The following ATP1A2 variants were observed in gnomAD, a reference collection of about 807,000 sequenced individuals.
ATP1A2 encodes the protein ATPase Na+/K+ transporting subunit alpha 2.
ATP1A2 carries 56 observed loss-of-function variants against 113.1 expected under a neutral mutation model. That is an observed-to-expected ratio of 0.49 (90% CI 0.40 to 0.62). The LOEUF (loss-of-function observed/expected upper bound fraction) is 0.62. ATP1A2 is among the 20% of genes least tolerant of loss of function. ATP1A2 has a pLI of 0.00. For synonymous variants in ATP1A2, 490 were observed against 526.8 expected, an observed-to-expected ratio of 0.93 and a Z score of 0.96; for missense variants, 712 against 1,357.8, an observed-to-expected ratio of 0.52 and a Z score of 7.47.
chr1:160,141,281 A>ATCT lies in ATP1A2; in HGVS notation c.3035-12_3035-10dup. On this transcript the variant is annotated splice_polypyrimidine_tract_variant and intron_variant, in intron 22 of 22. Transcript: ENST00000361216. Reference sequence around the variant, plus strand: ...GCTCATGCTGCAATCTCCACTCCCAATCTCTCTAACAGGCTGGGTGGAGAA... The same window carrying ATCT: ...GCTCATGCTGCAATCTCCACTCCCAATCTTCTCTCTAACAGGCTGGGTGGAGAA... 1 of 1,613,816 alleles carries ATCT rather than the reference A, an allele frequency of 6.2e-7. No homozygotes were observed. The highest frequency in any genetic ancestry group is 1.1e-5 in the South Asian group (1 of 91,064).
At position 160,120,887 on chromosome 1, in the gene ATP1A2, C is replaced by T. The variant is rs746125072; in HGVS notation, c.13-19C>T. On this transcript the variant is annotated intron_variant, in intron 1 of 22. Coordinates refer to ENST00000361216, the MANE Select transcript of ATP1A2 (RefSeq NM_000702.4). ...GCCCCTCTCTTCCCTGACTCTCTGG[C>T]TCTCCCTTCCTCCCTCAGGCTGGCC... The T allele has an allele frequency of 5.4e-6, 8 of 1,484,882 alleles. No individual in the cohort carries two copies. In the East Asian group the frequency reaches 1.8e-4, roughly 34 times the overall value. 92.0% of individuals were successfully genotyped at this position (1,484,882 alleles called of 1,614,324 possible).
rs1161305660 is a variant in ATP1A2, at chr1:160,141,751, C to T, written c.*429C>T. ...TCACTCCATTTCCCACTTCCACCCC[C>T]GTTAGCTTCCTGCAGGACTCTATCC... On this transcript the variant is annotated 3_prime_UTR_variant, in exon 23 of 23. Coordinates refer to ENST00000361216, the MANE Select transcript of ATP1A2 (RefSeq NM_000702.4). 2 of 254,334 alleles carry T rather than the reference C, an allele frequency of 7.9e-6. No individual in the cohort carries two copies. The highest frequency in any genetic ancestry group is 1.6e-5 in the Non-Finnish European group (2 of 127,618). 15.8% of individuals were successfully genotyped at this position (254,334 alleles called of 1,614,324 possible).
At position 160,142,093 on chromosome 1, in the gene ATP1A2, G is replaced by A. The variant is rs1238585430; in HGVS notation, c.*771G>A. 1 of 152,748 alleles carries A rather than the reference G, an allele frequency of 6.5e-6. No individual in the cohort carries two copies. The highest frequency in any genetic ancestry group is 2.4e-5 in the African/African-American group (1 of 41,454). The allele number at this position is 152,748 out of a possible 1,614,324, so 9.5% of individuals were successfully genotyped here. A position where few individuals can be genotyped will look rare whatever the true frequency, so the allele number is the denominator to read the frequency against. ...CTCATCAGGGTAGCAGCAGAGGCAGGACCAGAAGGCAATCAAGAGCTTCCA... is the reference window on the plus strand; with the variant it reads ...CTCATCAGGGTAGCAGCAGAGGCAGAACCAGAAGGCAATCAAGAGCTTCCA... On this transcript the variant is annotated 3_prime_UTR_variant, in exon 23 of 23. Coordinates refer to ENST00000361216, the MANE Select transcript of ATP1A2 (RefSeq NM_000702.4).
At chr1:160,133,560 C>A (rs148959002) in intron 13 of ATP1A2, among the ~76,000 whole-genome samples, 37 of 152,282 alleles carry the variant, frequency 2.4e-4, no homozygotes, top group African/African-American at 8.7e-4. Context: ...GACCACCGTG[C>A]TCACCAGGGA....
intron 6 of ATP1A2, 85 bp from the exon 7 acceptor site, chr1:160,125,051 G>A: frequency 1.9e-6 from 2 of 1,028,834 alleles, no homozygotes; most frequent in South Asian, 2.5e-5. Flanking sequence ...TGAAGATTGA[G>A]TGTGGTTGGA....
chr1:160,123,258 C>T lies in ATP1A2; in HGVS notation c.223C>T (p.Pro75Ser). The T allele has an allele frequency of 6.2e-7, 1 of 1,614,214 alleles. No homozygotes were observed. Among genetic ancestry groups the T allele is most frequent in the Non-Finnish European group, 8.5e-7 (1 of 1,180,036 alleles). ...RAQDVLARDGPNALTPPPTTP... is the reference protein window; with the variant it reads ...RAQDVLARDGSNALTPPPTTP... Reference sequence around the variant, plus strand: ...TCAGGACGTTCTGGCTCGAGATGGGCCCAACGCCCTCACACCACCTCCCAC... The same window carrying T: ...TCAGGACGTTCTGGCTCGAGATGGGTCCAACGCCCTCACACCACCTCCCAC... Residue 75 changes from proline (P) to serine (S), a missense_variant, in exon 4 of 23, where the codon CCC becomes TCC. Transcript: ENST00000361216.
intron 19 of ATP1A2, 44 bp downstream of exon 19, chr1:160,136,759 G>A (rs193165079): frequency 3.3e-5 from 54 of 1,614,112 alleles, no homozygotes; most frequent in African/African-American, 1.6e-4. Context: ...GTGAAGGTAC[G>A]GGAAGCTGAA....
rs1453316269 is a variant in ATP1A2 at position 160,143,434 on chromosome 1, G to C, written c.*2112G>C. The C allele has an allele frequency of 6.6e-6, 1 of 152,598 alleles. No homozygotes were observed. Among genetic ancestry groups the C allele is most frequent in the African/African-American group, 2.4e-5 (1 of 41,428 alleles). 9.5% of individuals were successfully genotyped at this position (152,598 alleles called of 1,614,324 possible). Reference sequence around the variant, plus strand: ...CAGGCACTTTAGAAATATCCTTTTAGAAGCAGCGAGTGCATGGGCTAATTA... The same window carrying C: ...CAGGCACTTTAGAAATATCCTTTTACAAGCAGCGAGTGCATGGGCTAATTA... On this transcript the variant is annotated 3_prime_UTR_variant, in exon 23 of 23. Coordinates refer to ENST00000361216, the MANE Select transcript of ATP1A2 (RefSeq NM_000702.4).
chr1:160,136,140 C>A, intron 17 of ATP1A2, 107 bp from the exon 18 acceptor site: 1 of 1,601,016 alleles, frequency 6.2e-7, no homozygotes, highest in Non-Finnish European at 8.6e-7. Flanking sequence ...TCTGAATACA[C>A]GCTTTTTTAA....
intron 20 of ATP1A2, among the ~76,000 whole-genome samples, chr1:160,138,317 C>G (rs564207569): frequency 2.0e-5 from 3 of 152,234 alleles, no homozygotes; most frequent in Non-Finnish European, 2.9e-5. Flanking sequence ...AAGCCAAGAG[C>G]GCATATCATG....
intron 22 of ATP1A2, chr1:160,140,203 G>T (rs1652093267): frequency 1.7e-6 from 1 of 581,854 alleles, no homozygotes; most frequent in African/African-American, 1.9e-5. Context: ...CTCACAGTTG[G>T]TCTCCGAGGC....
intron 1 of ATP1A2, among the ~76,000 whole-genome samples, chr1:160,119,256 C>CAAAA (rs386368465): frequency 0.059 from 2,896 of 49,274 alleles, 768 homozygotes; most frequent in African/African-American, 0.089. Flanking sequence ...CATTATCCTG[C>CAAAA]AAAAAAAAAA....
At chr1:160,129,198 C>T in intron 10 of ATP1A2, 68 bp from the exon 11 acceptor site, 2 of 1,612,010 alleles carry the variant, frequency 1.2e-6, no homozygotes, top group Non-Finnish European at 1.7e-6. Context: ...GGTTTCAGTG[C>T]CGCCTTCACC....
In ATP1A2 at chr1:160,136,671, G is replaced by T; in HGVS notation, c.2665G>T (p.Asp889Tyr). The T allele has an allele frequency of 6.2e-7, 1 of 1,614,234 alleles. No homozygotes were observed. Among genetic ancestry groups the T allele is most frequent in the South Asian group, 1.1e-5 (1 of 91,072 alleles). Residue 889 changes from aspartate to tyrosine, a missense_variant, in exon 19 of 23, where the codon GAC becomes TAC. Physicochemically the swap from Asp to Tyr is radical, Grantham distance 160. Coordinates refer to ENST00000361216, the MANE Select transcript of ATP1A2 (RefSeq NM_000702.4). The stretch of plus-strand genomic sequence containing the variant: ...ACTGGGAATCCGCCTCGACTGGGAT[G>T]ACCGGACCATGAATGATCTGGAGGA... ...RLLGIRLDWDDRTMNDLEDSY... is the reference protein window; with the variant it reads ...RLLGIRLDWDYRTMNDLEDSY...
chr1:160,127,772 C>T lies in ATP1A2; in HGVS notation c.969C>T (p.Ile323=), dbSNP rs28716941. The change falls in exon 8 of 23, where the codon ATC becomes ATT. Residue 323 remains isoleucine, a synonymous_variant. Transcript: ENST00000361216. Reference sequence around the variant, plus strand: ...GGCTGGAGGCAGTCATCTTCCTCATCGGCATCATAGTGGCCAACGTGCCTG... The same window carrying T: ...GGCTGGAGGCAGTCATCTTCCTCATTGGCATCATAGTGGCCAACGTGCCTG... ...YSWLEAVIFL[I]GIIVANVPEG... 51 of 1,613,806 alleles carry T rather than the reference C, an allele frequency of 3.2e-5. No homozygotes were observed. The East Asian group carries it at 7.1e-4, about 23-fold the overall frequency.
At position 160,139,593 on chromosome 1, in the gene ATP1A2, C is replaced by T. The variant is rs748988488; in HGVS notation, c.2841-47C>T. On this transcript the variant is annotated intron_variant, in intron 20 of 22. Coordinates refer to ENST00000361216, the MANE Select transcript of ATP1A2 (RefSeq NM_000702.4). ...CCCCAGGGGTATCCCAGGATCTCTG[C>T]CTCCATGATCCCCCTTCACCTGCCA... is the stretch of plus-strand genomic sequence containing the variant. 5.2e-6 allele frequency: 8 copies of T among 1,539,792 alleles called. No homozygotes were observed. In the African/African-American group the frequency reaches 9.5e-5, roughly 18 times the overall value.
In ATP1A2 at chr1:160,120,986, T is replaced by C. The variant is rs1651376986; in HGVS notation, c.93T>C (p.Asp31=). 1 of 1,613,866 alleles carries C rather than the reference T, an allele frequency of 6.2e-7. No individual in the cohort carries two copies. The highest frequency in any genetic ancestry group is 8.5e-7 in the Non-Finnish European group (1 of 1,179,872). Residue 31 remains aspartate, a synonymous_variant, in exon 2 of 23, where the codon GAT becomes GAC. Transcript: ENST00000361216. ...AGAAACAGAAGGAGAAGGAACTGGA[T>C]GAGCTGAAGAAGGAGGTGGCAATGG... is the stretch of plus-strand genomic sequence containing the variant. The part of the protein sequence containing the change: ...GKKKQKEKEL[D]ELKKEVAMDD...
intron 1 of ATP1A2, among the ~76,000 whole-genome samples, chr1:160,117,514 T>C (rs995020830): frequency 6.6e-6 from 1 of 152,058 alleles, no homozygotes; most frequent in Non-Finnish European, 1.5e-5. Flanking sequence ...GGTGATGCAA[T>C]AGCAAGATGA....
In ATP1A2 at chr1:160,140,170, A is replaced by G. The variant is rs983701485; in HGVS notation, c.3034+186A>G. On this transcript the variant is annotated intron_variant, in intron 22 of 22. Coordinates refer to ENST00000361216, the MANE Select transcript of ATP1A2 (RefSeq NM_000702.4). ...AACCTGTTGTCTCTGCCCTCTTCCC[A>G]TCAGATTCTAAACCCCGCCTAACTC... 2.8e-5 allele frequency: 18 copies of G among 631,718 alleles called. 1 individual carries two copies. In the East Asian group the frequency reaches 3.1e-4, roughly 11 times the overall value. 39.1% of individuals were successfully genotyped at this position (631,718 alleles called of 1,614,324 possible).
Sources: gnomAD v4.1 joint callset for allele counts (sites outside exome capture counted in the v4.1 genomes callset) on GRCh38, gnomAD v4.1.1 for gene constraint, MANE v1.5 for transcripts, NCBI Gene and HGNC (gene_info 2026-07-23, HGNC 2026-07-21) for gene names.